Variants in PRELID2 observed in about 807,000 individuals in gnomAD.
PRELID2 encodes the protein PRELI domain containing 2.
PRELID2 carries 25 observed loss-of-function variants against 28.4 expected under a neutral mutation model. The observed-to-expected ratio is 0.88, with a 90% CI of 0.64 to 1.23. The LOEUF (loss-of-function observed/expected upper bound fraction) is 1.23. PRELID2 is among the 50% of genes most tolerant of loss of function. The pLI is 0.00. For missense variants in PRELID2, 201 were observed against 214.4 expected (o/e 0.94, Z 0.39); for synonymous variants, 76 against 71.6 (o/e 1.06, Z -0.31).
At chr5:145,283,838 T>C in the PRELID2 span, among the ~76,000 whole-genome samples, 1 of 152,156 alleles carries the variant, frequency 6.6e-6, no homozygotes, top group African/African-American at 2.4e-5. Context: ...TGAGAGGAAA[T>C]TAATTATGTA....
intron 1 of PRELID2, among the ~76,000 whole-genome samples, chr5:145,545,781 T>C (rs1308254677): frequency 6.6e-6 from 1 of 152,188 alleles, no homozygotes; most frequent in African/African-American, 2.4e-5. Flanking sequence ...AATGAGATAC[T>C]TTCTCCAGAT....
chr5:145,528,722 CACACAGAGAGAGAG>C (rs1428428213), intron 1 of PRELID2, among the ~76,000 whole-genome samples: 9 of 128,996 alleles, frequency 7.0e-5, no homozygotes, highest in African/African-American at 2.4e-4. Flanking sequence ...CACACACACA[CACACAGAGAGAGAG>C]AGAGAGAGAG....
chr5:145,560,593 T>G (rs1359490622), intron 1 of PRELID2, among the ~76,000 whole-genome samples: 1 of 152,238 alleles, frequency 6.6e-6, no homozygotes, highest in Non-Finnish European at 1.5e-5. Flanking sequence ...AAGTCTGGCA[T>G]GCTAATACAG....
the PRELID2 span, among the ~76,000 whole-genome samples, chr5:145,283,309 G>A: frequency 3.9e-5 from 6 of 152,158 alleles, no homozygotes; most frequent in South Asian, 2.1e-4. Context: ...GTAAAATTAC[G>A]CAACTGGGGG....
chr5:145,758,370 G>A lies in PRELID2; in HGVS notation c.*2166C>T, dbSNP rs573917390. ...GATATTAAGAAAAAAATTAAATATT[G>A]TCTGCAAATACCTAAAAGTCACTGT... On this transcript the variant is annotated 3_prime_UTR_variant, in exon 7 of 7. Transcript: ENST00000683046. Among the ~76,000 whole-genome samples, 32 of 152,012 alleles carry A rather than the reference G, an allele frequency of 2.1e-4. No individual in the cohort carries two copies. Among genetic ancestry groups the A allele is most frequent in the African/African-American group, 7.7e-4 (32 of 41,446 alleles).
the PRELID2 span, among the ~76,000 whole-genome samples, chr5:145,368,638 T>A: frequency 3.9e-3 from 589 of 151,982 alleles, 3 homozygotes; most frequent in Non-Finnish European, 6.0e-3. Flanking sequence ...TTCTTGTTGG[T>A]TTTCATTTTC....
At chr5:145,646,859 G>C (rs1227693308) in intron 1 of PRELID2, among the ~76,000 whole-genome samples, 1 of 152,126 alleles carries the variant, frequency 6.6e-6, no homozygotes, top group East Asian at 1.9e-4. Flanking sequence ...CTGCAGTACA[G>C]CATAGATTGC....
chr5:145,644,939 G>T (rs1754172107), intron 1 of PRELID2, among the ~76,000 whole-genome samples: 1 of 152,180 alleles, frequency 6.6e-6, no homozygotes, highest in African/African-American at 2.4e-5. Context: ...TTCCAACTAT[G>T]TGGTCAATTT....
the PRELID2 span, among the ~76,000 whole-genome samples, chr5:145,340,184 C>G: frequency 6.6e-6 from 1 of 152,184 alleles, no homozygotes; most frequent in African/African-American, 2.4e-5. Flanking sequence ...AAAAATTACC[C>G]AGCTAAGTCT....
chr5:145,401,905 T>G, the PRELID2 span, among the ~76,000 whole-genome samples: 1 of 152,312 alleles, frequency 6.6e-6, no homozygotes, highest in East Asian at 1.9e-4. Context: ...ACTATTTGCC[T>G]GGGTAACTAC....
intron 1 of PRELID2, among the ~76,000 whole-genome samples, chr5:145,590,145 C>T (rs1443444942): frequency 6.6e-6 from 1 of 152,102 alleles, no homozygotes; most frequent in Non-Finnish European, 1.5e-5. Flanking sequence ...TTTTCTTATT[C>T]TTAAAAACTA....
the PRELID2 span, among the ~76,000 whole-genome samples, chr5:145,262,191 T>C: frequency 6.6e-6 from 1 of 151,800 alleles, no homozygotes; most frequent in Non-Finnish European, 1.5e-5. Flanking sequence ...TCTAAGAAAT[T>C]TGGGATTATG....
intron 5 of PRELID2, among the ~76,000 whole-genome samples, chr5:145,778,742 G>A (rs1247461738): frequency 6.6e-6 from 1 of 152,172 alleles, no homozygotes; most frequent in Non-Finnish European, 1.5e-5. Flanking sequence ...CTGACTCACA[G>A]TCTCCCTTGG....
At chr5:145,667,900 T>A (rs941108719) in intron 1 of PRELID2, among the ~76,000 whole-genome samples, 1 of 152,060 alleles carries the variant, frequency 6.6e-6, no homozygotes, top group African/African-American at 2.4e-5. Flanking sequence ...AGCAGAATAT[T>A]CAAAAGAAAG....
chr5:145,504,476 A>G (rs1312677092), intron 1 of PRELID2, among the ~76,000 whole-genome samples: 8 of 152,180 alleles, frequency 5.3e-5, no homozygotes, highest in Non-Finnish European at 1.2e-4. Flanking sequence ...GAAACATTTT[A>G]TCTTTCATGT....
At chr5:145,660,481 C>G (rs550846413) in intron 1 of PRELID2, among the ~76,000 whole-genome samples, 1 of 152,152 alleles carries the variant, frequency 6.6e-6, no homozygotes, top group South Asian at 2.1e-4. Flanking sequence ...AAGGAGACAG[C>G]TTATTCCTAT....
chr5:145,318,294 T>A, the PRELID2 span, among the ~76,000 whole-genome samples: 1 of 149,294 alleles, frequency 6.7e-6, no homozygotes, highest in African/African-American at 2.4e-5. Context: ...TTGTTGTCTA[T>A]GTCAGCCACC....
At chr5:145,673,883 A>G (rs1158436728) in intron 1 of PRELID2, among the ~76,000 whole-genome samples, 1 of 152,184 alleles carries the variant, frequency 6.6e-6, no homozygotes, top group East Asian at 1.9e-4. Flanking sequence ...TATTTCTGAA[A>G]AACACAGAAG....
downstream of PRELID2, among the ~76,000 whole-genome samples, chr5:145,471,350 C>G (rs1253456249): frequency 6.6e-6 from 1 of 152,090 alleles, no homozygotes; most frequent in Non-Finnish European, 1.5e-5. Context: ...CCTTCAACTT[C>G]TGGAAATTAG....
Sources: gnomAD v4.1 joint callset for allele counts (sites outside exome capture counted in the v4.1 genomes callset) on GRCh38, gnomAD v4.1.1 for gene constraint, MANE v1.5 for transcripts, NCBI Gene and HGNC (gene_info 2026-07-23, HGNC 2026-07-21) for gene names.